MSH3: variants seen among roughly 807,000 people sequenced by gnomAD.
MSH3 encodes DNA mismatch repair protein Msh3.
A neutral mutation model predicts 123.3 loss-of-function variants in MSH3; 106 were observed. That is an observed-to-expected ratio of 0.86 (90% confidence interval 0.73 to 1.01). MSH3 has a LOEUF of 1.01. MSH3 is among the 50% of genes least tolerant of loss of function. The probability of loss-of-function intolerance (pLI) is 0.00; values close to 1 mark genes in which losing one functional copy is unlikely to be tolerated. For missense variants in MSH3, 1,459 were observed against 1,347.6 expected, an observed-to-expected ratio of 1.08 and a Z score of -1.29; for synonymous variants, 515 against 481.4, an observed-to-expected ratio of 1.07 and a Z score of -0.91.
At chr5:80,758,468 A>G (rs991664942) in intron 12 of MSH3, among the ~76,000 whole-genome samples, 1 of 152,170 alleles carries the variant, frequency 6.6e-6, no homozygotes, top group Non-Finnish European at 1.5e-5. Flanking sequence ...AGGTGGAGAA[A>G]CTAGGACAAG....
chr5:80,656,576 T>C, intron 2 of MSH3, 45 bp downstream of exon 2: 1 of 1,612,386 alleles, frequency 6.2e-7, no homozygotes, highest in Non-Finnish European at 8.5e-7. Context: ...ATGGCTCTGG[T>C]ATTCTGGAAT....
chr5:80,841,027 G>A (rs1745613863), intron 20 of MSH3, among the ~76,000 whole-genome samples: 1 of 150,972 alleles, frequency 6.6e-6, no homozygotes, highest in African/African-American at 2.4e-5. Flanking sequence ...TTTACATTAG[G>A]TATATATCCT....
chr5:80,859,712 C>CTTT (rs373044585), intron 21 of MSH3, among the ~76,000 whole-genome samples: 2 of 130,152 alleles, frequency 1.5e-5, no homozygotes, highest in African/African-American at 2.9e-5. Flanking sequence ...CATTTTCTCT[C>CTTT]TTTTTTTTTT....
At chr5:80,688,479 C>G (rs1478217158) in intron 8 of MSH3, among the ~76,000 whole-genome samples, 1 of 152,068 alleles carries the variant, frequency 6.6e-6, no homozygotes, top group East Asian at 1.9e-4. Flanking sequence ...TTTGAAATTA[C>G]CATAGTAGCA....
At chr5:80,725,592 A>G (rs774060262) in intron 9 of MSH3, 27 bp downstream of exon 9, 3 of 1,473,900 alleles carry the variant, frequency 2.0e-6, no homozygotes, top group Non-Finnish European at 2.8e-6. Context: ...TATGTCCTCA[A>G]GTTGAACTGA....
chr5:80,770,840 T>C (rs1367518780), intron 15 of MSH3, among the ~76,000 whole-genome samples: 1 of 152,162 alleles, frequency 6.6e-6, no homozygotes, highest in Non-Finnish European at 1.5e-5. Flanking sequence ...AGTTTTTGAG[T>C]AAAAATGAGA....
chr5:80,727,886 G>A (rs573661286), intron 9 of MSH3, among the ~76,000 whole-genome samples: 1 of 152,130 alleles, frequency 6.6e-6, no homozygotes, highest in African/African-American at 2.4e-5. Context: ...GCACTTGAAC[G>A]AAGATTTGAA....
intron 21 of MSH3, among the ~76,000 whole-genome samples, chr5:80,859,938 T>C (rs940664662): frequency 2.0e-5 from 3 of 152,132 alleles, no homozygotes; most frequent in Non-Finnish European, 4.4e-5. Context: ...CTAGTGGTTG[T>C]CCTGGAGTTT....
intron 8 of MSH3, among the ~76,000 whole-genome samples, chr5:80,688,250 G>A (rs888634405): frequency 1.3e-5 from 2 of 152,230 alleles, no homozygotes; most frequent in Non-Finnish European, 2.9e-5. Flanking sequence ...AAAGATAGAT[G>A]TGTATGCTGC....
Position 80,712,214 on chromosome 5 carries a change from CCTT to C in MSH3, c.1341-13236_1341-13234del, listed in dbSNP as rs146789333. 8.3e-3 allele frequency among the ~76,000 whole-genome samples: 1,259 copies of C among 152,192 alleles called. 15 individuals are homozygous for C. The highest frequency in any genetic ancestry group is 0.028 in the African/African-American group (1,159 of 41,516). On this transcript the variant is annotated intron_variant, in intron 8 of 23. Coordinates refer to ENST00000265081, the MANE Select transcript of MSH3 (RefSeq NM_002439.5). ...AGTCCAGGGAAGAGGACCAGCATCT[CCTT>C]CTGGGAGCTCCTGTATAAATCCTGT...
intron 22 of MSH3, among the ~76,000 whole-genome samples, chr5:80,865,806 G>A (rs1162640403): frequency 6.6e-6 from 1 of 152,152 alleles, no homozygotes; most frequent in African/African-American, 2.4e-5. Flanking sequence ...TAATAGGGAT[G>A]GACCTGAAAA....
At chr5:80,713,840 GA>G (rs1750904482) in intron 8 of MSH3, among the ~76,000 whole-genome samples, 2 of 152,224 alleles carry the variant, frequency 1.3e-5, no homozygotes, top group African/African-American at 4.8e-5. Context: ...GAAACCTGTT[GA>G]AAATGCTCGC....
intron 20 of MSH3, among the ~76,000 whole-genome samples, chr5:80,848,017 A>T (rs899134749): frequency 4.6e-5 from 7 of 152,278 alleles, no homozygotes; most frequent in African/African-American, 1.7e-4. Context: ...GGATCACTTG[A>T]GCCCAGGTGT....
intron 7 of MSH3, 51 bp from the exon 8 acceptor site, chr5:80,678,876 A>G (rs1395729944): frequency 1.9e-6 from 3 of 1,599,176 alleles, no homozygotes; most frequent in African/African-American, 2.7e-5. Flanking sequence ...TTATAGCCAT[A>G]ACTGGGGAAA....
intron 2 of MSH3, among the ~76,000 whole-genome samples, chr5:80,663,166 A>G (rs539101855): frequency 5.9e-5 from 9 of 152,172 alleles, no homozygotes; most frequent in Non-Finnish European, 1.3e-4. Context: ...TGAGCCTGGG[A>G]GGTCAAGGTT....
intron 8 of MSH3, among the ~76,000 whole-genome samples, chr5:80,679,862 A>G (rs1749931324): frequency 6.6e-6 from 1 of 152,178 alleles, no homozygotes; most frequent in African/African-American, 2.4e-5. Flanking sequence ...GAGACCAGAA[A>G]GGTGTGCTGG....
chr5:80,763,500 G>A (rs1360049454), intron 13 of MSH3, among the ~76,000 whole-genome samples: 1 of 152,192 alleles, frequency 6.6e-6, no homozygotes, highest in Non-Finnish European at 1.5e-5. Context: ...TGCAATGTGG[G>A]TGCCAAACCA....
chr5:80,767,901 T>C (rs756388431), intron 13 of MSH3, 32 bp from the exon 14 acceptor site: 7 of 1,498,500 alleles, frequency 4.7e-6, no homozygotes, highest in Admixed American at 1.7e-5. Flanking sequence ...ATGTATCTTA[T>C]GCTATTTCAT....
intron 22 of MSH3, among the ~76,000 whole-genome samples, chr5:80,872,503 C>T (rs1476122477): frequency 6.6e-6 from 1 of 151,638 alleles, no homozygotes; most frequent in Non-Finnish European, 1.5e-5. Context: ...ATTGTATCAA[C>T]CACGTACTAA....
Sources: gnomAD v4.1 joint callset for allele counts (sites outside exome capture counted in the v4.1 genomes callset) on GRCh38, gnomAD v4.1.1 for gene constraint, MANE v1.5 for transcripts, NCBI Gene and HGNC (gene_info 2026-07-23, HGNC 2026-07-21) for gene names.